Variants in DIS3L2 observed in about 807,000 individuals in gnomAD.
The protein encoded by DIS3L2 is DIS3-like exonuclease 2.
A neutral mutation model predicts 97.5 loss-of-function variants in DIS3L2; 34 were observed. The ratio of observed to expected loss-of-function variants is 0.35; its 90% CI spans 0.27 to 0.46. The LOEUF is 0.46. Among genes scored for constraint, DIS3L2 ranks in the 20% least tolerant of loss-of-function variants. The pLI is 1.00. For missense variants in DIS3L2, 1,038 were observed against 1,146.0 expected (o/e 0.91, Z 1.36); for synonymous variants, 435 against 445.2 (o/e 0.98, Z 0.29).
At chr2:232,334,973 A>G (rs1695892612) in intron 19 of DIS3L2, 6 of 533,154 alleles carry the variant, frequency 1.1e-5, no homozygotes, top group Non-Finnish European at 6.8e-6. Flanking sequence ...AGGCCCCTCC[A>G]TGGCCAGTAC....
chr2:232,192,026 G>A (rs767770686), intron 9 of DIS3L2, among the ~76,000 whole-genome samples: 14 of 152,086 alleles, frequency 9.2e-5, no homozygotes, highest in Non-Finnish European at 1.8e-4. Context: ...TATACCAGGG[G>A]TCACACTAAG....
At chr2:232,266,695 A>T (rs1453657843) in intron 13 of DIS3L2, among the ~76,000 whole-genome samples, 1 of 152,090 alleles carries the variant, frequency 6.6e-6, no homozygotes, top group African/African-American at 2.4e-5. Flanking sequence ...CCTTGTCCTC[A>T]CAAAAATCCA....
At chr2:232,229,700 T>C (rs1184029997) in intron 10 of DIS3L2, among the ~76,000 whole-genome samples, 1 of 152,216 alleles carries the variant, frequency 6.6e-6, no homozygotes, top group Non-Finnish European at 1.5e-5. Flanking sequence ...GAGAATTACA[T>C]TGAACATGAC....
chr2:232,026,312 C>T (rs1694654850), intron 4 of DIS3L2, among the ~76,000 whole-genome samples: 1 of 151,930 alleles, frequency 6.6e-6, no homozygotes, highest in Admixed American at 6.6e-5. Context: ...CTTCATATAC[C>T]TGAGTTCAAA....
intron 3 of DIS3L2, among the ~76,000 whole-genome samples, chr2:232,022,247 G>A (rs1413897403): frequency 1.3e-5 from 2 of 152,138 alleles, no homozygotes; most frequent in Non-Finnish European, 2.9e-5. Context: ...CTGTTTCCGA[G>A]GTCCAGTTCT....
chr2:232,255,459 T>C (rs1313458853), intron 12 of DIS3L2, among the ~76,000 whole-genome samples: 1 of 152,224 alleles, frequency 6.6e-6, no homozygotes, highest in African/African-American at 2.4e-5. Flanking sequence ...TATAGAAAGA[T>C]TGTTCCAACG....
intron 10 of DIS3L2, among the ~76,000 whole-genome samples, chr2:232,221,748 C>T (rs930404334): frequency 1.3e-5 from 2 of 151,880 alleles, no homozygotes; most frequent in African/African-American, 4.8e-5. Context: ...TTGCAGTGAG[C>T]CGAGATCGCA....
intron 8 of DIS3L2, among the ~76,000 whole-genome samples, chr2:232,160,297 A>G (rs543867762): frequency 3.0e-4 from 45 of 152,216 alleles, no homozygotes; most frequent in Non-Finnish European, 5.7e-4. Context: ...TTTAATAGAT[A>G]CATTAGATAA....
At chr2:232,013,570 T>C (rs996976398) in intron 1 of DIS3L2, among the ~76,000 whole-genome samples, 1 of 152,226 alleles carries the variant, frequency 6.6e-6, no homozygotes, top group Non-Finnish European at 1.5e-5. Flanking sequence ...CTCTCAGGTT[T>C]CCTGACCTGG....
chr2:232,240,134 C>T (rs1217465054), intron 11 of DIS3L2, among the ~76,000 whole-genome samples: 2 of 152,226 alleles, frequency 1.3e-5, no homozygotes, highest in African/African-American at 4.8e-5. Context: ...TCTGCCATAG[C>T]CGCCTTCAAT....
intron 1 of DIS3L2, among the ~76,000 whole-genome samples, chr2:231,993,044 T>G (rs1165819631): frequency 6.6e-6 from 1 of 152,166 alleles, no homozygotes; most frequent in African/African-American, 2.4e-5. Flanking sequence ...ACTCCCAAAT[T>G]TGCTGTCAGC....
At chr2:232,191,913 C>T (rs763728820) in intron 9 of DIS3L2, among the ~76,000 whole-genome samples, 4 of 152,120 alleles carry the variant, frequency 2.6e-5, no homozygotes, top group Non-Finnish European at 2.9e-5. Flanking sequence ...TATTAAGTCG[C>T]TACTCTAATC....
intron 1 of DIS3L2, among the ~76,000 whole-genome samples, chr2:231,967,891 TATTTAAAAAATTTATTTGATTG>T (rs902182090): frequency 2.8e-4 from 43 of 152,186 alleles, no homozygotes; most frequent in African/African-American, 9.9e-4. Flanking sequence ...TTTTTTGATT[TATTTAAAAAATTTATTTGATTG>T]ATTTAAGACT....
chr2:232,276,008 T>C lies in DIS3L2; in HGVS notation c.1659+12568T>C, dbSNP rs1255640671. Among the ~76,000 whole-genome samples the C allele has an allele frequency of 1.3e-5, 2 of 152,244 alleles. No individual in the cohort carries two copies. The highest frequency in any genetic ancestry group is 4.8e-5 in the African/African-American group (2 of 41,466). On this transcript the variant is annotated intron_variant, in intron 13 of 20. Transcript: ENST00000325385. This position sits in a 1 kb window ranked among gnomAD's most constrained non-coding sequence, Gnocchi z 4.4. Reference sequence around the variant, plus strand: ...CAACTTGCTCTTATACTAGAAATGCTAAAAACAAATTAGAAATTATTTAAT... The same window carrying C: ...CAACTTGCTCTTATACTAGAAATGCCAAAAACAAATTAGAAATTATTTAAT...
chr2:232,341,676 T>C (rs958800485), downstream of DIS3L2, among the ~76,000 whole-genome samples: 5 of 152,206 alleles, frequency 3.3e-5, no homozygotes, highest in African/African-American at 1.2e-4. Context: ...TGGGAAGCTG[T>C]GGCTTGAAGA....
chr2:232,331,377 G>A (rs540949599), intron 16 of DIS3L2, among the ~76,000 whole-genome samples: 1 of 152,316 alleles, frequency 6.6e-6, no homozygotes, highest in Non-Finnish European at 1.5e-5. Context: ...GATGCTGATG[G>A]GTCGGCTCTG....
chr2:232,246,607 G>T (rs958411016), intron 11 of DIS3L2, among the ~76,000 whole-genome samples: 1 of 152,176 alleles, frequency 6.6e-6, no homozygotes, highest in Non-Finnish European at 1.5e-5. Flanking sequence ...TACAAGAAGC[G>T]GTGGGCCCAG....
At position 232,238,016 on chromosome 2, in the gene DIS3L2, C is replaced by T. The variant is rs541359828; in HGVS notation, c.1205-517C>T. 4.5e-4 allele frequency among the ~76,000 whole-genome samples: 68 copies of T among 152,172 alleles called. 1 individual carries two copies. Among genetic ancestry groups the T allele is most frequent in the African/African-American group, 1.5e-3 (64 of 41,526 alleles). Reference sequence around the variant, plus strand: ...AATAACAGGCTAAGAGTACCTTTCCCAGACCCACATTTAGAAAGATCACAG... The same window carrying T: ...AATAACAGGCTAAGAGTACCTTTCCTAGACCCACATTTAGAAAGATCACAG... On this transcript the variant is annotated intron_variant, in intron 10 of 20. Transcript: ENST00000325385.
intron 6 of DIS3L2, among the ~76,000 whole-genome samples, chr2:232,120,722 G>C (rs1471364288): frequency 6.6e-6 from 1 of 152,072 alleles, no homozygotes; most frequent in South Asian, 2.1e-4. Flanking sequence ...TGTTTCAGAG[G>C]AAACAAAAGC....
Sources: gnomAD v4.1 joint callset for allele counts (sites outside exome capture counted in the v4.1 genomes callset) on GRCh38, gnomAD v4.1.1 for gene constraint, Gnocchi (gnomAD v3.1) non-coding constraint, MANE v1.5 for transcripts, NCBI Gene and HGNC (gene_info 2026-07-23, HGNC 2026-07-21) for gene names.